The following FAT4 variants were observed in gnomAD, a reference collection of about 807,000 sequenced individuals.
The protein encoded by FAT4 is protocadherin Fat 4.
Under a neutral mutation model 303.9 loss-of-function variants are expected in FAT4, and 84 were observed. The observed-to-expected ratio is 0.28, with a 90% CI of 0.23 to 0.33. The LOEUF (loss-of-function observed/expected upper bound fraction) is 0.33, where lower values mean the gene tolerates loss of function less well. FAT4 is among the 10% of genes least tolerant of loss of function. The probability of loss-of-function intolerance (pLI) is 1.00; values close to 1 mark genes in which losing one functional copy is unlikely to be tolerated. For missense variants in FAT4, 6,005 were observed against 6,146.8 expected (o/e 0.98, Z 0.77); for synonymous variants, 2,307 against 2,298.8 (o/e 1.00, Z -0.10).
Position 125,489,898 on chromosome 4 carries a change from CA to C in FAT4, c.13085-2del, listed in dbSNP as rs1397686601. Reference sequence around the variant, plus strand: ...AAAGCCTTACTCCTTCTTCTTCTCCCAGCAGGTTTTGATGGCTGCATTGCTT... The same window carrying C: ...AAAGCCTTACTCCTTCTTCTTCTCCCGCAGGTTTTGATGGCTGCATTGCTT... On this transcript the variant is annotated splice_acceptor_variant, in intron 17 of 17. Transcript: ENST00000394329. LOFTEE classifies it high-confidence loss of function. 9.8e-7 allele frequency: 1 copy of C among 1,025,230 alleles called. No homozygotes were observed. The highest frequency in any genetic ancestry group is 1.9e-5 in the South Asian group (1 of 51,940). 63.5% of individuals were successfully genotyped at this position (1,025,230 alleles called of 1,614,324 possible).
chr4:125,454,378 A>T (rs151214294), intron 10 of FAT4, among the ~76,000 whole-genome samples: 96 of 152,350 alleles, frequency 6.3e-4, no homozygotes, highest in Middle Eastern at 3.4e-3. Context: ...GGCAGAAAAC[A>T]TGTGTAATAG....
Position 125,487,509 on chromosome 4 carries a change from T to C in FAT4, c.12987T>C (p.Asp4329=). Residue 4329 remains aspartate (D), a synonymous_variant, in exon 17 of 18, where the codon GAT becomes GAC. Transcript: ENST00000394329. ...CTGTTGACAGAATATATAACAGAGA[T>C]ATTATCCACCCTACTCAGGACTTCG... The part of the protein sequence containing the change: ...VLSVDRIYNR[D]IIHPTQDFGG... 6.2e-7 allele frequency: 1 copy of C among 1,614,028 alleles called. No individual in the cohort carries two copies. Among genetic ancestry groups the C allele is most frequent in the South Asian group, 1.1e-5 (1 of 91,074 alleles).
intron 2 of FAT4, among the ~76,000 whole-genome samples, chr4:125,330,220 AT>A (rs138860579): frequency 2.0e-5 from 3 of 151,446 alleles, no homozygotes; most frequent in African/African-American, 7.3e-5. Context: ...TACTTCAAGT[AT>A]TTTTTTTTAT....
chr4:125,330,790 G>C (rs1731351071), intron 2 of FAT4, among the ~76,000 whole-genome samples: 2 of 152,128 alleles, frequency 1.3e-5, no homozygotes, highest in Admixed American at 1.3e-4. Context: ...TGATCTTTTA[G>C]ATCATTTCAT....
intron 2 of FAT4, among the ~76,000 whole-genome samples, chr4:125,341,851 G>A (rs1167903003): frequency 6.6e-6 from 1 of 151,832 alleles, no homozygotes; most frequent in Non-Finnish European, 1.5e-5. Context: ...AAATAAACAA[G>A]AATTCTTTTG....
At chr4:125,471,041 T>C (rs1343668640) in intron 12 of FAT4, among the ~76,000 whole-genome samples, 2 of 152,172 alleles carry the variant, frequency 1.3e-5, no homozygotes, top group Admixed American at 6.5e-5. Flanking sequence ...ATAATTTCAG[T>C]AGTGTTTTAT....
rs1261675128 is a variant in FAT4 at position 125,318,235 on chromosome 4, T to A, written c.1824T>A (p.Thr608=). The part of the protein sequence containing the change: ...TGTELLMLRA[T]DGDLGDNGTV... ...CAGAACTGTTGATGCTCAGGGCAAC[T>A]GACGGGGACCTGGGTGACAACGGAA... is the stretch of plus-strand genomic sequence containing the variant. The change falls in exon 2 of 18, where the codon ACT becomes ACA. Residue 608 remains threonine, a synonymous_variant. Coordinates refer to ENST00000394329, the MANE Select transcript of FAT4 (RefSeq NM_001291303.3). 1.9e-6 allele frequency: 3 copies of A among 1,614,094 alleles called. No individual in the cohort carries two copies. The highest frequency in any genetic ancestry group is 2.2e-5 in the East Asian group (1 of 44,886).
intron 2 of FAT4, among the ~76,000 whole-genome samples, chr4:125,325,795 G>A (rs886379954): frequency 1.3e-5 from 2 of 152,154 alleles, no homozygotes; most frequent in Non-Finnish European, 2.9e-5. Flanking sequence ...AGTATGTGGT[G>A]GTGAAGAACA....
chr4:125,453,160 G>A (rs548645164), intron 10 of FAT4, among the ~76,000 whole-genome samples: 4 of 152,200 alleles, frequency 2.6e-5, no homozygotes, highest in South Asian at 2.1e-4. Flanking sequence ...GCTTAATCTC[G>A]TAGCGTCTCT....
rs1172740965 is a variant in FAT4, at chr4:125,378,522, C to T, written c.5176-20262C>T. ...GGTCAAGAAGCATGTGTTCTTATCA[C>T]AGATAATCATAAAACTAATTTGAAA... is the stretch of plus-strand genomic sequence containing the variant. On this transcript the variant is annotated intron_variant, in intron 2 of 17. Transcript: ENST00000394329. Among the ~76,000 whole-genome samples the T allele has an allele frequency of 3.3e-5, 5 of 152,006 alleles. No homozygotes were observed. In the East Asian group the frequency reaches 7.7e-4, roughly 23 times the overall value.
chr4:125,321,470 A>T lies in FAT4; in HGVS notation c.5059A>T (p.Thr1687Ser). Residue 1687 changes from threonine to serine, a missense_variant, in exon 2 of 18, where the codon ACT becomes TCT. Physicochemically the swap from Thr to Ser is moderately conservative, Grantham distance 58. Transcript: ENST00000394329. ...ACGCCTCTTTACTATTGGACGACAT[A>T]CTGGTATAATTCAGACCGCAGCCAT... ...VGRLFTIGRHTGIIQTAAILD... is the reference protein window; with the variant it reads ...VGRLFTIGRHSGIIQTAAILD... 6.2e-7 allele frequency: 1 copy of T among 1,614,142 alleles called. No homozygotes were observed. The highest frequency in any genetic ancestry group is 8.5e-7 in the Non-Finnish European group (1 of 1,180,002).
Position 125,356,449 on chromosome 4 carries a change from A to G in FAT4, c.5175+34863A>G, listed in dbSNP as rs1399169778. ...AGAAATTTGAAGTTTTATTTATTTG[A>G]CTAGCTAAAGAAATATAAAAAGAAG... On this transcript the variant is annotated intron_variant, in intron 2 of 17. Coordinates refer to ENST00000394329, the MANE Select transcript of FAT4 (RefSeq NM_001291303.3). Among the ~76,000 whole-genome samples the G allele has an allele frequency of 2.0e-5, 3 of 151,886 alleles. No homozygotes were observed. The East Asian group carries it at 5.8e-4, about 29-fold the overall frequency.
At chr4:125,439,507 T>A (rs1006028085) in intron 8 of FAT4, among the ~76,000 whole-genome samples, 1 of 151,452 alleles carries the variant, frequency 6.6e-6, no homozygotes, top group African/African-American at 2.4e-5. Context: ...TAATTTTTTT[T>A]TTTTTGTATT....
rs928156701 is a variant in FAT4 at position 125,476,142 on chromosome 4, G to C, written c.12214-29G>C. On this transcript the variant is annotated intron_variant, in intron 12 of 17. Transcript: ENST00000394329. ...GCTAATAGGGACGGTAGAACTCAAA[G>C]TTGAATGTTTCTTTCTCTTGCTTCG... The C allele has an allele frequency of 1.0e-5, 15 of 1,468,848 alleles. No individual in the cohort carries two copies. The African/African-American group carries it at 2.0e-4, about 19-fold the overall frequency. 91.0% of individuals were successfully genotyped at this position (1,468,848 alleles called of 1,614,324 possible).
chr4:125,416,908 T>A (rs1735097752), intron 7 of FAT4, among the ~76,000 whole-genome samples: 2 of 152,180 alleles, frequency 1.3e-5, no homozygotes, highest in Non-Finnish European at 2.9e-5. Context: ...ATCACACCAC[T>A]GTTCTCCAGC....
At chr4:125,407,578 A>G (rs145332539) in intron 4 of FAT4, among the ~76,000 whole-genome samples, 14 of 152,228 alleles carry the variant, frequency 9.2e-5, no homozygotes, top group African/African-American at 2.9e-4. Flanking sequence ...TCAATTCTCT[A>G]TCCTGTAAAT....
rs1343840295 is a variant in FAT4, at chr4:125,414,908, G to A, written c.5945G>A (p.Ser1982Asn). ...DDGINSQLTY[S>N]IASGDSLGQF... Reference sequence around the variant, plus strand: ...GGCATCAACTCTCAATTGACTTATAGCATTGCTTCAGGTGATAGCCTTGGG... The same window carrying A: ...GGCATCAACTCTCAATTGACTTATAACATTGCTTCAGGTGATAGCCTTGGG... The change falls in exon 6 of 18, where the codon AGC becomes AAC. Residue 1982 changes from serine (S) to asparagine (N), a missense_variant. Coordinates refer to ENST00000394329, the MANE Select transcript of FAT4 (RefSeq NM_001291303.3). 3 of 1,602,852 alleles carry A rather than the reference G, an allele frequency of 1.9e-6. No individual in the cohort carries two copies. Among genetic ancestry groups the A allele is most frequent in the Non-Finnish European group, 2.6e-6 (3 of 1,171,636 alleles).
chr4:125,358,978 C>A (rs1732543345), intron 2 of FAT4, among the ~76,000 whole-genome samples: 1 of 152,088 alleles, frequency 6.6e-6, no homozygotes, highest in Non-Finnish European at 1.5e-5. Context: ...ATTACCTTAT[C>A]ATTGTTTTAT....
intron 2 of FAT4, among the ~76,000 whole-genome samples, chr4:125,330,264 A>G (rs766993573): frequency 6.6e-6 from 1 of 151,922 alleles, no homozygotes; most frequent in Non-Finnish European, 1.5e-5. Context: ...ATCTTCCTTT[A>G]ATAACTTATT....
Sources: allele counts gnomAD v4.1 joint callset (sites outside exome capture counted in the v4.1 genomes callset), GRCh38; gene constraint gnomAD v4.1.1; transcripts MANE v1.5; gene names NCBI Gene and HGNC (gene_info 2026-07-23, HGNC 2026-07-21).